Variants in DNAH7 observed in about 807,000 individuals in gnomAD.
DNAH7 encodes the protein axonemal beta dynein heavy chain 7.
DNAH7 carries 397 observed loss-of-function variants against 444.6 expected under a neutral mutation model. The ratio of observed to expected loss-of-function variants is 0.89; its 90% CI spans 0.82 to 0.97. The LOEUF (loss-of-function observed/expected upper bound fraction) is 0.97. Among genes scored for constraint, DNAH7 ranks in the 50% least tolerant of loss-of-function variants. DNAH7 has a pLI of 0.00. For missense variants in DNAH7, 4,902 were observed against 4,800.8 expected (o/e 1.02, Z -0.62); for synonymous variants, 1,636 against 1,624.4 (o/e 1.01, Z -0.17).
chr2:196,066,101 A>G (rs1011852507), intron 1 of DNAH7, among the ~76,000 whole-genome samples: 1 of 152,160 alleles, frequency 6.6e-6, no homozygotes, highest in African/African-American at 2.4e-5. Flanking sequence ...CTGGCTTTGC[A>G]TTTTGTTTTT....
chr2:196,010,091 T>TTTCC (rs1176534739), intron 10 of DNAH7, among the ~76,000 whole-genome samples: 2 of 151,774 alleles, frequency 1.3e-5, no homozygotes, highest in Non-Finnish European at 2.9e-5. Context: ...GAAAGAACTC[T>TTTCC]TTCCTTCCTT....
intron 27 of DNAH7, chr2:195,904,569 T>A (rs1160535036): frequency 6.6e-6 from 1 of 152,170 alleles, no homozygotes; most frequent in African/African-American, 2.4e-5. Flanking sequence ...GAAGATTATA[T>A]GATTAGATTT....
At chr2:195,924,458 G>A (rs559505771) in intron 22 of DNAH7, among the ~76,000 whole-genome samples, 1 of 152,258 alleles carries the variant, frequency 6.6e-6, no homozygotes, top group South Asian at 2.1e-4. Context: ...GCTGGGTGTG[G>A]TGGCATGTGC....
In DNAH7 at chr2:195,883,492, A is replaced by G. The variant is rs185427353; in HGVS notation, c.5763+1093T>C. On this transcript the variant is annotated intron_variant, in intron 35 of 64. Coordinates refer to ENST00000312428, the MANE Select transcript of DNAH7 (RefSeq NM_018897.3). ...AAAAGAATCAGAAACGCTGAAATGT[A>G]CTGTTATTTAGAGGTTGTGTGATGC... Among the ~76,000 whole-genome samples, 887 of 146,356 alleles carry G rather than the reference A, an allele frequency of 6.1e-3. 9 individuals are homozygous for G. The highest frequency in any genetic ancestry group is 0.011 in the Non-Finnish European group (700 of 66,270).
intron 21 of DNAH7, among the ~76,000 whole-genome samples, chr2:195,927,173 T>C (rs937622397): frequency 6.6e-6 from 1 of 152,188 alleles, no homozygotes; most frequent in African/African-American, 2.4e-5. Flanking sequence ...TGTACTTCAA[T>C]ACCTACGTTC....
intron 12 of DNAH7, among the ~76,000 whole-genome samples, chr2:195,996,464 TG>T (rs1174045255): frequency 2.0e-5 from 3 of 151,828 alleles, no homozygotes; most frequent in Non-Finnish European, 4.4e-5. Context: ...CTCATTCTGT[TG>T]CCCAGGCTGA....
chr2:195,766,749 G>C (rs1274577612), intron 61 of DNAH7, among the ~76,000 whole-genome samples: 2 of 152,068 alleles, frequency 1.3e-5, no homozygotes, highest in African/African-American at 4.8e-5. Context: ...CATTTACCCT[G>C]ATGTAATTAT....
chr2:195,996,883 A>G (rs1693728744), intron 12 of DNAH7, among the ~76,000 whole-genome samples: 1 of 152,214 alleles, frequency 6.6e-6, no homozygotes, highest in Non-Finnish European at 1.5e-5. Flanking sequence ...TCAGTTATCC[A>G]TGGGGCATTT....
chr2:195,912,618 C>T (rs879307820), intron 24 of DNAH7, among the ~76,000 whole-genome samples: 1 of 152,126 alleles, frequency 6.6e-6, no homozygotes, highest in African/African-American at 2.4e-5. Flanking sequence ...TGGGAGAATC[C>T]GGTCACTGGA....
At chr2:195,824,715 C>G (rs1441702753) in intron 48 of DNAH7, among the ~76,000 whole-genome samples, 1 of 152,096 alleles carries the variant, frequency 6.6e-6, no homozygotes, top group African/African-American at 2.4e-5. Flanking sequence ...TGCTGCCTGG[C>G]CTGGGGTTCA....
intron 63 of DNAH7, among the ~76,000 whole-genome samples, chr2:195,750,421 A>C (rs1281505791): frequency 6.6e-6 from 1 of 152,226 alleles, no homozygotes; most frequent in Non-Finnish European, 1.5e-5. Context: ...TGCTGCTCAA[A>C]CTTCAACCCA....
intron 46 of DNAH7, 82 bp from the exon 47 acceptor site, chr2:195,845,247 TATTC>T (rs1698916205): frequency 3.5e-6 from 4 of 1,139,090 alleles, no homozygotes; most frequent in East Asian, 2.6e-5. Flanking sequence ...ATTTATACTG[TATTC>T]ATTGAGTCAA....
At chr2:195,952,200 G>C (rs1475226931) in intron 19 of DNAH7, among the ~76,000 whole-genome samples, 1 of 152,104 alleles carries the variant, frequency 6.6e-6, no homozygotes, top group Non-Finnish European at 1.5e-5. Flanking sequence ...AGCTTAGTTT[G>C]GCTGGATATA....
At chr2:195,765,573 A>C (rs1694533120) in intron 61 of DNAH7, among the ~76,000 whole-genome samples, 1 of 152,170 alleles carries the variant, frequency 6.6e-6, no homozygotes, top group Non-Finnish European at 1.5e-5. Context: ...AAAAGATCTG[A>C]ATAGACATTT....
chr2:195,852,446 C>T (rs1699428685), intron 46 of DNAH7, among the ~76,000 whole-genome samples: 1 of 152,118 alleles, frequency 6.6e-6, no homozygotes, highest in African/African-American at 2.4e-5. Flanking sequence ...AAAACTATTG[C>T]CAAATGTTCT....
In DNAH7 at chr2:195,737,786, T is replaced by C; in HGVS notation, c.*135A>G. 1.4e-6 allele frequency: 1 copy of C among 738,000 alleles called. No homozygotes were observed. 45.7% of individuals were successfully genotyped at this position (738,000 alleles called of 1,614,324 possible). A position where few individuals can be genotyped will look rare whatever the true frequency, so the allele number is the denominator to read the frequency against. Reference sequence around the variant, plus strand: ...TCATATTAAGTTTAGCTGCATTTGCTCATAAGTAAATTCATAATTATAACT... The same window carrying C: ...TCATATTAAGTTTAGCTGCATTTGCCCATAAGTAAATTCATAATTATAACT... On this transcript the variant is annotated 3_prime_UTR_variant, in exon 65 of 65. Transcript: ENST00000312428.
At chr2:195,908,919 T>C (rs1243250213) in intron 25 of DNAH7, among the ~76,000 whole-genome samples, 1 of 152,188 alleles carries the variant, frequency 6.6e-6, no homozygotes, top group Admixed American at 6.6e-5. Flanking sequence ...GTTTACTGCA[T>C]GGGTGAGGGT....
intron 15 of DNAH7, among the ~76,000 whole-genome samples, chr2:195,976,981 A>T (rs1692256360): frequency 1.3e-5 from 2 of 152,188 alleles, no homozygotes; most frequent in Non-Finnish European, 2.9e-5. Context: ...TTAGATCACA[A>T]CATTTAAGTC....
intron 12 of DNAH7, among the ~76,000 whole-genome samples, chr2:195,990,909 TTAAA>T (rs1405431407): frequency 2.9e-5 from 4 of 138,070 alleles, no homozygotes; most frequent in South Asian, 2.3e-4. Flanking sequence ...ATATATATAC[TTAAA>T]TATATATACA....
Sources: allele counts gnomAD v4.1 joint callset (sites outside exome capture counted in the v4.1 genomes callset), GRCh38; gene constraint gnomAD v4.1.1; transcripts MANE v1.5; gene names NCBI Gene and HGNC (gene_info 2026-07-23, HGNC 2026-07-21).